Variants in CCDC144A observed in about 807,000 individuals in gnomAD.
The protein encoded by CCDC144A is coiled-coil domain containing 144A.
A neutral mutation model predicts 143.8 loss-of-function variants in CCDC144A; 41 were observed. The ratio of observed to expected loss-of-function variants is 0.29; its 90% CI spans 0.22 to 0.37. The LOEUF (loss-of-function observed/expected upper bound fraction) is 0.37. CCDC144A is among the 10% of genes least tolerant of loss of function. CCDC144A has a pLI of 1.00. For missense variants in CCDC144A, 637 were observed against 1,488.8 expected (o/e 0.43, Z 9.41); for synonymous variants, 242 against 517.9 (o/e 0.47, Z 7.23).
intron 5 of CCDC144A, among the ~76,000 whole-genome samples, chr17:16,711,136 GAAAAAAA>G (rs1210697273): frequency 4.0e-3 from 87 of 21,776 alleles, no homozygotes; most frequent in Middle Eastern, 0.031. Context: ...GGATTCAAAT[GAAAAAAA>G]AAAAAAAAAA....
intron 2 of CCDC144A, among the ~76,000 whole-genome samples, chr17:16,704,750 A>G (rs1398827852): frequency 6.6e-6 from 1 of 152,194 alleles, no homozygotes. Context: ...TATATTTATT[A>G]TGAGTTTTTG....
rs1912260969 is a variant in CCDC144A, at chr17:16,709,446, A to G, written c.1389A>G (p.Thr463=). The G allele has an allele frequency of 6.2e-7, 1 of 1,611,570 alleles. No homozygotes were observed. The highest frequency in any genetic ancestry group is 1.3e-5 in the African/African-American group (1 of 74,848). The change falls in exon 5 of 17, where the codon ACA becomes ACG. Residue 463 remains threonine, a synonymous_variant. Coordinates refer to ENST00000399273, the MANE Select transcript of CCDC144A (RefSeq NM_001382000.1). The part of the protein sequence containing the change: ...NMNQNSDSGS[T]NNYKSLKPKL... The stretch of plus-strand genomic sequence containing the variant: ...ACCAAAATAGTGACAGTGGCAGTAC[A>G]AACAACTATAAAAGCCTGAAACCTA...
chr17:16,738,945 G>A (rs952011047), intron 12 of CCDC144A, among the ~76,000 whole-genome samples: 3 of 150,308 alleles, frequency 2.0e-5, no homozygotes, highest in Non-Finnish European at 2.9e-5. Context: ...CCACATCCTT[G>A]CCAACATTTT....
chr17:16,672,099 T>G, the CCDC144A span, among the ~76,000 whole-genome samples: 2 of 152,066 alleles, frequency 1.3e-5, no homozygotes. Flanking sequence ...TTAAAAGAAC[T>G]TAAGGATTTT....
intron 12 of CCDC144A, among the ~76,000 whole-genome samples, chr17:16,756,853 T>C (rs1597587997): frequency 6.6e-6 from 1 of 152,272 alleles, no homozygotes; most frequent in East Asian, 1.9e-4. Context: ...TGCATTGGTG[T>C]GGCCTCCATA....
At chr17:16,671,942 T>A in the CCDC144A span, among the ~76,000 whole-genome samples, 1 of 152,132 alleles carries the variant, frequency 6.6e-6, no homozygotes, top group African/African-American at 2.4e-5. Context: ...AAAGGATCTA[T>A]AAATGATGAT....
chr17:16,757,146 G>T (rs989163329), intron 12 of CCDC144A, among the ~76,000 whole-genome samples: 1 of 152,276 alleles, frequency 6.6e-6, no homozygotes, highest in Non-Finnish European at 1.5e-5. Flanking sequence ...GCAATAGCAG[G>T]CCAGGCCAAA....
At chr17:16,723,016 C>G (rs1055815747) in intron 8 of CCDC144A, among the ~76,000 whole-genome samples, 2 of 151,714 alleles carry the variant, frequency 1.3e-5, no homozygotes, top group Non-Finnish European at 2.9e-5. Flanking sequence ...GCTAGAGTGA[C>G]AGAATGAGTT....
At chr17:16,755,003 A>T (rs4003852) in intron 12 of CCDC144A, among the ~76,000 whole-genome samples, 1 of 151,850 alleles carries the variant, frequency 6.6e-6, no homozygotes, top group Non-Finnish European at 1.5e-5. Flanking sequence ...CTTTTATTTT[A>T]TTTTATTTTT....
the CCDC144A span, among the ~76,000 whole-genome samples, chr17:16,682,186 G>A: frequency 2.5e-3 from 372 of 146,050 alleles, 1 homozygote; most frequent in African/African-American, 8.9e-3. Context: ...TTCCATACAC[G>A]ACAGATCTGA....
rs548572799 is a variant in CCDC144A, at chr17:16,737,776, T to G, written c.3372+2133T>G. 226 of 260,522 alleles carry G rather than the reference T, an allele frequency of 8.7e-4. 1 individual carries two copies. Among genetic ancestry groups the G allele is most frequent in the African/African-American group, 4.8e-3 (218 of 45,506 alleles). The allele number at this position is 260,522 out of a possible 1,614,324, so 16.1% of individuals were successfully genotyped here. ...TGCAGTGGATAGCTTTCTTTTGTAT[T>G]TTTATTATAATTCATTTTATTACAA... On this transcript the variant is annotated intron_variant, in intron 12 of 16. Coordinates refer to ENST00000399273, the MANE Select transcript of CCDC144A (RefSeq NM_001382000.1).
intron 12 of CCDC144A, among the ~76,000 whole-genome samples, chr17:16,741,957 C>T (rs1914275266): frequency 6.6e-6 from 1 of 151,990 alleles, no homozygotes; most frequent in South Asian, 2.1e-4. Context: ...GGTGTAGTGG[C>T]ACACACCTGT....
In CCDC144A at chr17:16,762,470, G is replaced by C; in HGVS notation, c.3824G>C (p.Arg1275Thr). ...GACTTTAATAAAACCGAATTGGAAAGATATAAGGAACTCTACCTAGAAGAA... is the reference window on the plus strand; with the variant it reads ...GACTTTAATAAAACCGAATTGGAAACATATAAGGAACTCTACCTAGAAGAA... ...QADFNKTELE[R>T]YKELYLEEVK... The change falls in exon 14 of 17, where the codon AGA becomes ACA. Residue 1275 changes from arginine to threonine, a missense_variant. Transcript: ENST00000399273. 6.3e-7 allele frequency: 1 copy of C among 1,593,404 alleles called. No homozygotes were observed. The highest frequency in any genetic ancestry group is 8.5e-7 in the Non-Finnish European group (1 of 1,170,594).
upstream of CCDC144A, among the ~76,000 whole-genome samples, chr17:16,685,434 C>CA (rs1597517745): frequency 3.3e-5 from 5 of 152,166 alleles, no homozygotes; most frequent in South Asian, 1.0e-3. Context: ...GACTGGAGTG[C>CA]AAATGGCGTG....
chr17:16,770,964 T>A (rs1915804146), intron 15 of CCDC144A, among the ~76,000 whole-genome samples: 2 of 151,980 alleles, frequency 1.3e-5, no homozygotes, highest in Admixed American at 1.3e-4. Flanking sequence ...TGGAAAGGAG[T>A]CTCAAAATAT....
rs1913912740 is a variant in CCDC144A at position 16,734,713 on chromosome 17, A to G, written c.2442A>G (p.Glu814=). The G allele has an allele frequency of 6.3e-7, 1 of 1,579,006 alleles. No individual in the cohort carries two copies. The change falls in exon 12 of 17, where the codon GAA becomes GAG. Residue 814 remains glutamate (E), a synonymous_variant. Coordinates refer to ENST00000399273, the MANE Select transcript of CCDC144A (RefSeq NM_001382000.1). ...AGATTTCTCATAGGCATCAGAAAGAAAAGGATCTCTTTCATGAAGATTGCA... is the reference window on the plus strand; with the variant it reads ...AGATTTCTCATAGGCATCAGAAAGAGAAGGATCTCTTTCATGAAGATTGCA... ...NSEISHRHQK[E]KDLFHEDCML... is the part of the protein sequence containing the mutation.
At chr17:16,749,176 G>A (rs1435857447) in intron 12 of CCDC144A, among the ~76,000 whole-genome samples, 2 of 152,058 alleles carry the variant, frequency 1.3e-5, no homozygotes, top group Middle Eastern at 3.4e-3. Flanking sequence ...TCCTCTCGGC[G>A]CAGTGTCAGA....
At chr17:16,732,937 A>G (rs1413371895) in intron 11 of CCDC144A, among the ~76,000 whole-genome samples, 1 of 151,614 alleles carries the variant, frequency 6.6e-6, no homozygotes, top group Non-Finnish European at 1.5e-5. Flanking sequence ...GTTATTTTTC[A>G]TAGAATTAAT....
intron 8 of CCDC144A, among the ~76,000 whole-genome samples, chr17:16,722,100 T>C (rs1913124281): frequency 1.3e-5 from 2 of 152,206 alleles, no homozygotes; most frequent in African/African-American, 4.8e-5. Context: ...ATCATGCTGA[T>C]GGTGTTCCCT....
Sources: gnomAD v4.1 joint callset for allele counts (sites outside exome capture counted in the v4.1 genomes callset) on GRCh38, gnomAD v4.1.1 for gene constraint, MANE v1.5 for transcripts, NCBI Gene and HGNC (gene_info 2026-07-23, HGNC 2026-07-21) for gene names.